The following INO80C variants were observed in gnomAD, a reference collection of about 807,000 sequenced individuals.
INO80C encodes INO80 complex subunit C, also known as IES6 homolog.
In INO80C, 17 loss-of-function variants were observed where a neutral mutation model predicts 17.7. The observed-to-expected ratio is 0.96, with a 90% CI of 0.66 to 1.44. The LOEUF is 1.44. Ranked by LOEUF, INO80C falls within the 40% of genes most tolerant of loss-of-function variation. The pLI, the probability that INO80C is intolerant of heterozygous loss-of-function variation, is 0.00. For synonymous variants in INO80C, 96 were observed against 95.8 expected, an observed-to-expected ratio of 1.00 and a Z score of -0.01; for missense variants, 244 against 245.0, an observed-to-expected ratio of 1.00 and a Z score of 0.03.
At chr18:35,486,245 A>G (rs2045872707) in intron 1 of INO80C, among the ~76,000 whole-genome samples, 1 of 152,262 alleles carries the variant, frequency 6.6e-6, no homozygotes, top group Non-Finnish European at 1.5e-5. Flanking sequence ...TTACACTAAC[A>G]AAAAGAAGCC....
At chr18:35,479,081 A>T (rs1323100594) in intron 3 of INO80C, 2 of 423,664 alleles carry the variant, frequency 4.7e-6, no homozygotes, top group East Asian at 7.8e-5. Flanking sequence ...CTATGACCCT[A>T]AAAACCACAC....
chr18:35,474,164 T>C (rs1374790746), intron 4 of INO80C, among the ~76,000 whole-genome samples: 2 of 138,928 alleles, frequency 1.4e-5, no homozygotes, highest in African/African-American at 2.6e-5. Flanking sequence ...AATATACATA[T>C]ATATATATAT....
chr18:35,477,436 G>A (rs1275590442), intron 4 of INO80C, among the ~76,000 whole-genome samples: 1 of 152,192 alleles, frequency 6.6e-6, no homozygotes, highest in Non-Finnish European at 1.5e-5. Flanking sequence ...CAATTTGTTA[G>A]ATAAGTTGGA....
At chr18:35,488,425 C>T (rs1013531253) in intron 1 of INO80C, among the ~76,000 whole-genome samples, 1 of 152,240 alleles carries the variant, frequency 6.6e-6, no homozygotes, top group Non-Finnish European at 1.5e-5. Context: ...ACAGGCTCAA[C>T]ACTATGTGGA....
intron 4 of INO80C, among the ~76,000 whole-genome samples, chr18:35,469,434 CAT>C (rs1305733818): frequency 3.3e-5 from 5 of 152,218 alleles, no homozygotes; most frequent in Admixed American, 6.5e-5. Flanking sequence ...TCCTCAGCCA[CAT>C]GTCCCCACTC....
At chr18:35,495,612 G>A (rs1285371101) in intron 1 of INO80C, among the ~76,000 whole-genome samples, 1 of 152,130 alleles carries the variant, frequency 6.6e-6, no homozygotes, top group East Asian at 1.9e-4. Context: ...ACCACTTTCA[G>A]AAGCTTGTGG....
At chr18:35,468,773 A>T (rs769021440) in intron 4 of INO80C, 31 bp from the exon 5 acceptor site, 46 of 1,602,846 alleles carry the variant, frequency 2.9e-5, no homozygotes, top group Non-Finnish European at 3.6e-5. Context: ...GGAAGGGCAG[A>T]AAGTTTTTGC....
intron 2 of INO80C, 148 bp downstream of exon 2, chr18:35,480,305 T>C (rs2045791402): frequency 1.6e-6 from 1 of 644,862 alleles, no homozygotes; most frequent in Non-Finnish European, 2.8e-6. Context: ...ACCCTTCTCT[T>C]GTCCCCATCT....
At chr18:35,475,459 G>A (rs1207107858) in intron 4 of INO80C, among the ~76,000 whole-genome samples, 1 of 152,162 alleles carries the variant, frequency 6.6e-6, no homozygotes, top group Admixed American at 6.5e-5. Flanking sequence ...CTTGAGCCCA[G>A]GAATTTGAGA....
rs771963983 is a variant in INO80C, at chr18:35,480,579, A to C, written c.157-16T>G. The C allele has an allele frequency of 2.5e-6, 4 of 1,576,138 alleles. No homozygotes were observed. Among genetic ancestry groups the C allele is most frequent in the Non-Finnish European group, 3.5e-6 (4 of 1,145,384 alleles). ...TGCTGATACCCTTAAAACATAATAA[A>C]AATAGTTTGAAGAAGTCAGTTTCTT... On this transcript the variant is annotated splice_polypyrimidine_tract_variant and intron_variant, in intron 1 of 4. Transcript: ENST00000334598.
rs1225876434 is a variant in INO80C at position 35,497,913 on chromosome 18, C to T, written c.-39G>A. The T allele has an allele frequency of 2.0e-6, 3 of 1,490,580 alleles. No individual in the cohort carries two copies. The highest frequency in any genetic ancestry group is 2.7e-6 in the Non-Finnish European group (3 of 1,119,548). The allele number at this position is 1,490,580 out of a possible 1,614,324, so 92.3% of individuals were successfully genotyped here. A position where few individuals can be genotyped will look rare whatever the true frequency, so the allele number is the denominator to read the frequency against. On this transcript the variant is annotated 5_prime_UTR_variant, in exon 1 of 5. Transcript: ENST00000334598. ...TTCCCCTGGTCCCCCCACCTTTTTC[C>T]CAGCGCGGGCCTTGGAACTTCCTTT...
chr18:35,474,238 T>TATAC (rs1555636175), intron 4 of INO80C, among the ~76,000 whole-genome samples: 35 of 133,242 alleles, frequency 2.6e-4, no homozygotes, highest in African/African-American at 9.5e-4. Context: ...TATATATATA[T>TATAC]ATATATACTT....
intron 4 of INO80C, among the ~76,000 whole-genome samples, chr18:35,471,079 G>C (rs752986412): frequency 6.6e-6 from 1 of 152,248 alleles, no homozygotes; most frequent in African/African-American, 2.4e-5. Context: ...AGGCACAGGG[G>C]AAAGAGTCAC....
Position 35,497,770 on chromosome 18 carries a change from C to T in INO80C, c.105G>A (p.Gly35=). Residue 35 remains glycine, a synonymous_variant, in exon 1 of 5, where the codon GGG becomes GGA. Transcript: ENST00000334598. ...ASPSHNGSSG[G]GYGASKKKKA... ...TTTTCTTCTTACTGGCGCCATAGCC[C>T]CCGCCGCTGCTGCCATTGTGGGAAG... 1 of 1,613,156 alleles carries T rather than the reference C, an allele frequency of 6.2e-7. No individual in the cohort carries two copies. The highest frequency in any genetic ancestry group is 1.1e-5 in the South Asian group (1 of 91,030).
At chr18:35,478,191 C>A in intron 4 of INO80C, 91 bp downstream of exon 4, 2 of 989,412 alleles carry the variant, frequency 2.0e-6, no homozygotes, top group Non-Finnish European at 1.5e-6. Flanking sequence ...CCAGGCAGGA[C>A]CAGCCATGAT....
rs779708882 is a variant in INO80C at position 35,480,542 on chromosome 18, T to C, written c.178A>G (p.Ser60Gly). Residue 60 changes from serine (S) to glycine (G), a missense_variant, in exon 2 of 5, where the codon AGT (serine) becomes GGT (glycine). Physicochemically the swap from Ser to Gly is moderately conservative, Grantham distance 56. Transcript: ENST00000334598. ...TCAGAGGGCACCATTTTATTCTCAC[T>C]CATGGCTTCCATGCTGATACCCTTA... ...FAQGISMEAM[S>G]ENKMVPSEFS... is the part of the protein sequence containing the mutation. The C allele has an allele frequency of 6.2e-6, 10 of 1,613,166 alleles. No individual in the cohort carries two copies. Among genetic ancestry groups the C allele is most frequent in the Non-Finnish European group, 8.5e-6 (10 of 1,179,130 alleles).
chr18:35,472,936 C>G (rs1022356966), intron 4 of INO80C, among the ~76,000 whole-genome samples: 1 of 152,184 alleles, frequency 6.6e-6, no homozygotes, highest in Non-Finnish European at 1.5e-5. Context: ...GGAGAGTTAT[C>G]TGTCTATTCA....
At chr18:35,497,233 T>C in intron 1 of INO80C, 1 of 593,484 alleles carries the variant, frequency 1.7e-6, no homozygotes, top group Non-Finnish European at 2.1e-6. Context: ...AGACCAAACC[T>C]GCCTTTGGAT....
In INO80C at chr18:35,478,281, C is replaced by A; in HGVS notation, c.447+1G>T. On this transcript the variant is annotated splice_donor_variant, in intron 4 of 4. Coordinates refer to ENST00000334598, the MANE Select transcript of INO80C (RefSeq NM_194281.4). LOFTEE classifies it high-confidence loss of function. ...GTTATAAGAGATATAATCATACTCA[C>A]AAGCAGACCTGAAACATCAGAATAC... 1.3e-6 allele frequency: 2 copies of A among 1,592,452 alleles called. No homozygotes were observed. Among genetic ancestry groups the A allele is most frequent in the Non-Finnish European group, 1.7e-6 (2 of 1,163,868 alleles).
Sources: gnomAD v4.1 joint callset for allele counts (sites outside exome capture counted in the v4.1 genomes callset) on GRCh38, gnomAD v4.1.1 for gene constraint, MANE v1.5 for transcripts, NCBI Gene and HGNC (gene_info 2026-07-23, HGNC 2026-07-21) for gene names.